Variants in C12orf56 observed in about 807,000 individuals in gnomAD.
The protein encoded by C12orf56 is uncharacterized protein C12orf56.
A neutral mutation model predicts 69.9 loss-of-function variants in C12orf56; 71 were observed. That is an observed-to-expected ratio of 1.02 (90% confidence interval 0.84 to 1.24). The LOEUF (loss-of-function observed/expected upper bound fraction) is 1.24, where lower values mean the gene tolerates loss of function less well. C12orf56 is among the 50% of genes most tolerant of loss of function. The pLI is 0.00. For missense variants in C12orf56, 732 were observed against 738.5 expected, an observed-to-expected ratio of 0.99 and a Z score of 0.10; for synonymous variants, 276 against 274.1, an observed-to-expected ratio of 1.01 and a Z score of -0.07.
intron 6 of C12orf56, among the ~76,000 whole-genome samples, chr12:64,287,100 G>C (rs539302448): frequency 2.0e-5 from 3 of 151,984 alleles, no homozygotes; most frequent in Non-Finnish European, 4.4e-5. Context: ...AGCTGGGTTT[G>C]GTAGCATGCG....
chr12:64,348,673 A>T (rs1421622745), intron 2 of C12orf56, among the ~76,000 whole-genome samples: 2 of 152,222 alleles, frequency 1.3e-5, no homozygotes, highest in African/African-American at 4.8e-5. Flanking sequence ...TCCTCAGGTT[A>T]TATTTTAGGG....
At chr12:64,365,566 A>G (rs1317972652) in intron 1 of C12orf56, among the ~76,000 whole-genome samples, 1 of 151,466 alleles carries the variant, frequency 6.6e-6, no homozygotes, top group African/African-American at 2.4e-5. Context: ...CAGAGATTCA[A>G]AATGAAGCCT....
In C12orf56 at chr12:64,275,982, C is replaced by G. The variant is rs550833297; in HGVS notation, c.1435-610G>C. Among the ~76,000 whole-genome samples, 405 of 131,316 alleles carry G rather than the reference C, an allele frequency of 3.1e-3. 2 individuals are homozygous for G. The highest frequency in any genetic ancestry group is 0.023 in the Middle Eastern group (6 of 260). The allele number at this position is 131,316 out of a possible 152,430, so 86.1% of individuals were successfully genotyped here. A position where few individuals can be genotyped will look rare whatever the true frequency, so the allele number is the denominator to read the frequency against. On this transcript the variant is annotated intron_variant, in intron 9 of 12. Coordinates refer to ENST00000543942, the MANE Select transcript of C12orf56 (RefSeq NM_001170633.2). ...TCAGATCAACAACCCTACTTCCTTTCAAGAATGTAGAAATACACACCCCCC... is the reference window on the plus strand; with the variant it reads ...TCAGATCAACAACCCTACTTCCTTTGAAGAATGTAGAAATACACACCCCCC...
At chr12:64,313,274 A>AAAG (rs71092953) in intron 4 of C12orf56, among the ~76,000 whole-genome samples, 23,514 of 81,794 alleles carry the variant, frequency 0.29, 3,199 homozygotes, top group Middle Eastern at 0.42. Flanking sequence ...AAAAAAAAAA[A>AAAG]AAAGAAAGAA....
Position 64,307,368 on chromosome 12 carries a change from C to CTT in C12orf56, c.969-3591_969-3590dup, listed in dbSNP as rs748644044. ...TCTTTGGTATTGCTGATAGTCAGTC[C>CTT]TTTTTTTTTTTTTTTTTTTGAGACG... On this transcript the variant is annotated intron_variant, in intron 5 of 12. Coordinates refer to ENST00000543942, the MANE Select transcript of C12orf56 (RefSeq NM_001170633.2). 1.3e-3 allele frequency among the ~76,000 whole-genome samples: 145 copies of CTT among 115,234 alleles called. 4 individuals carry two copies. Among genetic ancestry groups the CTT allele is most frequent in the African/African-American group, 3.3e-3 (99 of 30,290 alleles). 75.6% of individuals were successfully genotyped at this position (115,234 alleles called of 152,430 possible). A position where few individuals can be genotyped will look rare whatever the true frequency, so the allele number is the denominator to read the frequency against.
intron 1 of C12orf56, among the ~76,000 whole-genome samples, chr12:64,387,091 A>AAAAAAAAAC (rs2039803978): frequency 7.1e-6 from 1 of 139,988 alleles, no homozygotes; most frequent in East Asian, 2.0e-4. Flanking sequence ...AAAAAAAAAA[A>AAAAAAAAAC]AAAAAAAAAA....
chr12:64,380,958 C>T (rs2039712634), intron 1 of C12orf56, among the ~76,000 whole-genome samples: 1 of 152,116 alleles, frequency 6.6e-6, no homozygotes, highest in African/African-American at 2.4e-5. Flanking sequence ...TGTAACCACC[C>T]AACAGGTTCA....
intron 6 of C12orf56, among the ~76,000 whole-genome samples, chr12:64,300,555 T>C (rs1189324882): frequency 1.3e-5 from 2 of 152,158 alleles, no homozygotes; most frequent in East Asian, 3.9e-4. Flanking sequence ...GACTTCCCCT[T>C]TGAGCACTGT....
chr12:64,341,438 A>T (rs6581547), intron 2 of C12orf56, among the ~76,000 whole-genome samples: 115,874 of 152,042 alleles, frequency 0.76, 44,649 homozygotes, highest in East Asian at 0.91. Context: ...CTAGTTGGCC[A>T]TGTAATTGTA....
intron 8 of C12orf56, 70 bp from the exon 9 acceptor site, chr12:64,277,873 C>T: frequency 8.2e-7 from 1 of 1,216,976 alleles, no homozygotes; most frequent in Non-Finnish European, 1.1e-6. Context: ...AGCCAAGTTT[C>T]AAACACTGGA....
chr12:64,272,626 T>C (rs1482574172), intron 11 of C12orf56, among the ~76,000 whole-genome samples: 1 of 152,124 alleles, frequency 6.6e-6, no homozygotes. Flanking sequence ...ACGTGGAGTC[T>C]GTAAAACCCA....
chr12:64,371,991 G>A (rs2039578860), intron 1 of C12orf56, among the ~76,000 whole-genome samples: 2 of 150,598 alleles, frequency 1.3e-5, no homozygotes, highest in Non-Finnish European at 1.5e-5. Flanking sequence ...ATGGTGGCCA[G>A]GCTGGTCTCA....
At chr12:64,338,236 C>G in intron 2 of C12orf56, 1 of 558,318 alleles carries the variant, frequency 1.8e-6, no homozygotes, top group Non-Finnish European at 3.5e-6. Flanking sequence ...GCATCATCTG[C>G]TGGACTATGA....
intron 5 of C12orf56, among the ~76,000 whole-genome samples, chr12:64,308,422 T>G (rs2038544818): frequency 6.6e-6 from 1 of 152,218 alleles, no homozygotes. Flanking sequence ...AAGATATTTC[T>G]TATATTTGCT....
At position 64,285,990 on chromosome 12, in the gene C12orf56, G is replaced by C. The variant is rs535286051; in HGVS notation, c.1184C>G (p.Ala395Gly). Reference protein sequence around the residue: ...EYLPESRDKNALQNQSQRVDE... With the variant: ...EYLPESRDKNGLQNQSQRVDE... ...AACCCTTTGGCTTTGATTTTGTAGT[G>C]CATTCTTATCCCTAGACTCCGGCAA... The change falls in exon 7 of 13, where the codon GCA becomes GGA. Residue 395 changes from alanine (A) to glycine (G), a missense_variant. Physicochemically the swap from Ala to Gly is moderately conservative, Grantham distance 60. Coordinates refer to ENST00000543942, the MANE Select transcript of C12orf56 (RefSeq NM_001170633.2). The C allele has an allele frequency of 1.8e-5, 29 of 1,609,594 alleles. No individual in the cohort carries two copies. The East Asian group carries it at 6.2e-4, about 35-fold the overall frequency.
intron 1 of C12orf56, among the ~76,000 whole-genome samples, chr12:64,373,547 G>A (rs2039601875): frequency 6.6e-6 from 1 of 152,230 alleles, no homozygotes; most frequent in Non-Finnish European, 1.5e-5. Flanking sequence ...TTTGAAATCA[G>A]TGTAAGACCC....
At position 64,284,657 on chromosome 12, in the gene C12orf56, A is replaced by T. The variant is rs1360488565; in HGVS notation, c.1310+7T>A. On this transcript the variant is annotated splice_region_variant and intron_variant, in intron 8 of 12. Coordinates refer to ENST00000543942, the MANE Select transcript of C12orf56 (RefSeq NM_001170633.2). ...ACAAGGTCCCAATGTCTTCTAAAAG[A>T]CCTTACTTCTTAGCTGCCAATGTGT... 1 of 1,600,316 alleles carries T rather than the reference A, an allele frequency of 6.2e-7. No individual in the cohort carries two copies. The highest frequency in any genetic ancestry group is 8.5e-7 in the Non-Finnish European group (1 of 1,173,982).
intron 2 of C12orf56, among the ~76,000 whole-genome samples, chr12:64,345,245 G>C (rs1216234960): frequency 6.6e-6 from 1 of 152,000 alleles, no homozygotes; most frequent in Non-Finnish European, 1.5e-5. Context: ...ACATTATTTT[G>C]CCTGGCAACT....
At chr12:64,388,691 CA>C (rs890425910) in intron 1 of C12orf56, among the ~76,000 whole-genome samples, 2 of 151,872 alleles carry the variant, frequency 1.3e-5, no homozygotes, top group East Asian at 3.9e-4. Context: ...CCTGTCTCTA[CA>C]AAAAAAAATT....
Sources: allele counts gnomAD v4.1 joint callset (sites outside exome capture counted in the v4.1 genomes callset), GRCh38; gene constraint gnomAD v4.1.1; transcripts MANE v1.5; gene names NCBI Gene and HGNC (gene_info 2026-07-23, HGNC 2026-07-21).